Variants in GRIA2 observed in about 807,000 individuals in gnomAD.
GRIA2 encodes glutamate ionotropic receptor AMPA type subunit 2.
GRIA2 carries 14 observed loss-of-function variants against 97.3 expected under a neutral mutation model. The observed-to-expected ratio is 0.14, with a 90% CI of 0.10 to 0.23. GRIA2 has a LOEUF of 0.23. Among genes scored for constraint, GRIA2 ranks in the 10% least tolerant of loss-of-function variants. The pLI, the probability that GRIA2 is intolerant of heterozygous loss-of-function variation, is 1.00. For missense variants in GRIA2, 558 were observed against 1,069.8 expected (o/e 0.52, Z 6.67); for synonymous variants, 412 against 387.8 (o/e 1.06, Z -0.73).
chr4:157,285,582 T>C (rs2126823359), intron 2 of GRIA2, among the ~76,000 whole-genome samples: 1 of 151,326 alleles, frequency 6.6e-6, no homozygotes, highest in East Asian at 1.9e-4. Flanking sequence ...TGTGTGTGTG[T>C]GTAAGGCTTT....
At chr4:157,360,963 C>T (rs1274791606) in intron 13 of GRIA2, 47 bp from the exon 14 acceptor site, 9 of 1,346,298 alleles carry the variant, frequency 6.7e-6, no homozygotes, top group Non-Finnish European at 9.5e-6. Flanking sequence ...AACAAAAAGT[C>T]TAAAATTTGC....
rs1736812357 is a variant in GRIA2 at position 157,364,845 on chromosome 4, A to G, written c.*1414A>G. The G allele has an allele frequency of 6.6e-6, 1 of 151,894 alleles. No homozygotes were observed. Among genetic ancestry groups the G allele is most frequent in the African/African-American group, 2.4e-5 (1 of 41,422 alleles). The allele number at this position is 151,894 out of a possible 1,614,324, so 9.4% of individuals were successfully genotyped here. A position where few individuals can be genotyped will look rare whatever the true frequency, so the allele number is the denominator to read the frequency against. On this transcript the variant is annotated 3_prime_UTR_variant, in exon 16 of 16. Transcript: ENST00000264426. ...TATATTATTTTTATATTTATTCCTC[A>G]GGTGGAATGGCTATTTTAATATGCC...
intron 12 of GRIA2, among the ~76,000 whole-genome samples, chr4:157,343,209 C>G (rs1034252769): frequency 6.6e-6 from 1 of 151,982 alleles, no homozygotes; most frequent in African/African-American, 2.4e-5. Flanking sequence ...GATAGTTAGG[C>G]AAATTGATGA....
At chr4:157,328,341 A>C (rs1734899301) in intron 6 of GRIA2, among the ~76,000 whole-genome samples, 1 of 151,994 alleles carries the variant, frequency 6.6e-6, no homozygotes, top group African/African-American at 2.4e-5. Flanking sequence ...TAACATTTCA[A>C]ATTTTTGCCA....
intron 1 of GRIA2, 109 bp downstream of exon 1, chr4:157,221,239 T>G: frequency 6.9e-6 from 5 of 719,876 alleles, no homozygotes; most frequent in Non-Finnish European, 7.5e-6. Flanking sequence ...ATACCTTGAC[T>G]GCATTCCAGA....
chr4:157,341,423 T>G lies in GRIA2; in HGVS notation c.2004T>G (p.Tyr668Ter), dbSNP rs1180566271. ...EDLSKQTEIA[Y>*]GTLDSGSTKE... ...TTTCTAAGCAAACAGAAATTGCTTATGGAACATTAGACTCTGGCTCCACTA... is the reference window on the plus strand; with the variant it reads ...TTTCTAAGCAAACAGAAATTGCTTAGGGAACATTAGACTCTGGCTCCACTA... Residue 668 changes from tyrosine (Y) to a stop codon, truncating the protein, a stop_gained, in exon 12 of 16, where the codon TAT becomes TAG. Transcript: ENST00000264426. LOFTEE classifies it high-confidence loss of function. 1 of 1,612,416 alleles carries G rather than the reference T, an allele frequency of 6.2e-7. No homozygotes were observed.
intron 2 of GRIA2, among the ~76,000 whole-genome samples, chr4:157,251,650 A>G (rs372499684): frequency 6.6e-6 from 1 of 152,158 alleles, no homozygotes; most frequent in African/African-American, 2.4e-5. Context: ...ATGAAGATGC[A>G]TATCTTTCTA....
chr4:157,228,479 T>G (rs897180024), intron 2 of GRIA2, among the ~76,000 whole-genome samples: 1 of 152,164 alleles, frequency 6.6e-6, no homozygotes, highest in African/African-American at 2.4e-5. Flanking sequence ...TTATAAATGC[T>G]AACTGTTAGG....
intron 2 of GRIA2, among the ~76,000 whole-genome samples, chr4:157,237,220 C>T (rs1295581581): frequency 1.3e-5 from 2 of 151,420 alleles, no homozygotes; most frequent in Non-Finnish European, 1.5e-5. Context: ...ATTTTTCCTT[C>T]GTAAGGTTAG....
At chr4:157,319,929 C>A (rs1405868014) in intron 5 of GRIA2, among the ~76,000 whole-genome samples, 3 of 151,990 alleles carry the variant, frequency 2.0e-5, no homozygotes, top group African/African-American at 7.2e-5. Context: ...AACCTTACTA[C>A]CCTTATAGAT....
chr4:157,335,376 CT>C, intron 9 of GRIA2: 3 of 387,094 alleles, frequency 7.8e-6, no homozygotes, highest in Non-Finnish European at 1.5e-5. Flanking sequence ...GCTCTAAGTC[CT>C]AGCAGTGACA....
In GRIA2 at chr4:157,309,809, G is replaced by C. The variant is rs534407815; in HGVS notation, c.470-2870G>C. On this transcript the variant is annotated intron_variant, in intron 3 of 15. Transcript: ENST00000264426. ...CATAATATTAAGAGCATTACCACTTGAAATTGTATTATATAGTATGCTTTA... is the reference window on the plus strand; with the variant it reads ...CATAATATTAAGAGCATTACCACTTCAAATTGTATTATATAGTATGCTTTA... Among the ~76,000 whole-genome samples, 12 of 152,104 alleles carry C rather than the reference G, an allele frequency of 7.9e-5. No homozygotes were observed. The South Asian group carries it at 2.1e-3, about 26-fold the overall frequency.
intron 5 of GRIA2, among the ~76,000 whole-genome samples, chr4:157,320,879 AT>A (rs910224562): frequency 2.6e-5 from 4 of 151,880 alleles, no homozygotes; most frequent in South Asian, 2.1e-4. Context: ...CACAAGATAA[AT>A]TTTTTTTTAA....
chr4:157,241,504 A>G (rs2126717641), intron 2 of GRIA2, among the ~76,000 whole-genome samples: 1 of 152,164 alleles, frequency 6.6e-6, no homozygotes, highest in East Asian at 1.9e-4. Context: ...CATTTCTTTT[A>G]GTTCTTTCTA....
At chr4:157,274,233 A>G (rs1579322310) in intron 2 of GRIA2, among the ~76,000 whole-genome samples, 1 of 152,092 alleles carries the variant, frequency 6.6e-6, no homozygotes, top group Non-Finnish European at 1.5e-5. Context: ...GAAGTTCCTC[A>G]TCAAGAAAGA....
intron 2 of GRIA2, among the ~76,000 whole-genome samples, chr4:157,294,564 C>G (rs776400134): frequency 8.6e-5 from 13 of 151,948 alleles, no homozygotes; most frequent in Non-Finnish European, 1.6e-4. Context: ...AGTAATAAAA[C>G]AGAGAATGAT....
intron 2 of GRIA2, among the ~76,000 whole-genome samples, chr4:157,233,584 T>C (rs931981089): frequency 3.3e-5 from 5 of 152,070 alleles, no homozygotes; most frequent in African/African-American, 1.2e-4. Flanking sequence ...TAAGGCTCAG[T>C]TTCCTTGTCA....
intron 2 of GRIA2, among the ~76,000 whole-genome samples, chr4:157,290,294 C>A (rs1733035919): frequency 6.6e-6 from 1 of 151,794 alleles, no homozygotes; most frequent in African/African-American, 2.4e-5. Flanking sequence ...AACAATTTGG[C>A]AAAATCCTAT....
At position 157,335,298 on chromosome 4, in the gene GRIA2, C is replaced by T. The variant is rs150191981; in HGVS notation, c.1267-373C>T. The T allele has an allele frequency of 4.8e-4, 117 of 244,894 alleles. No individual in the cohort carries two copies. In the East Asian group the frequency reaches 0.01, roughly 22 times the overall value. The allele number at this position is 244,894 out of a possible 1,614,324, so 15.2% of individuals were successfully genotyped here. A position where few individuals can be genotyped will look rare whatever the true frequency, so the allele number is the denominator to read the frequency against. On this transcript the variant is annotated intron_variant, in intron 9 of 15. Transcript: ENST00000264426. ...AATGCTGGTTTTGGGATTGGCCTAA[C>T]CTTAATCAAGGATAAGGGTGTGGTG...
Sources: allele counts gnomAD v4.1 joint callset (sites outside exome capture counted in the v4.1 genomes callset), GRCh38; gene constraint gnomAD v4.1.1; transcripts MANE v1.5; gene names NCBI Gene and HGNC (gene_info 2026-07-23, HGNC 2026-07-21).